LDB2: variants seen among roughly 807,000 people sequenced by gnomAD.
LDB2 encodes LIM domain binding 2, also known as LIM domain-binding protein 2.
LDB2 carries 12 observed loss-of-function variants against 44.3 expected under a neutral mutation model. The observed-to-expected ratio is 0.27, with a 90% CI of 0.17 to 0.44. The LOEUF (loss-of-function observed/expected upper bound fraction) is 0.44, where lower values mean the gene tolerates loss of function less well. Ranked by LOEUF, LDB2 falls within the 20% of genes least tolerant of loss-of-function variation. LDB2 has a pLI of 1.00. For synonymous variants in LDB2, 164 were observed against 174.8 expected, an observed-to-expected ratio of 0.94 and a Z score of 0.49; for missense variants, 344 against 473.5, an observed-to-expected ratio of 0.73 and a Z score of 2.54.
chr4:16,550,280 C>G (rs1377079278), intron 5 of LDB2, among the ~76,000 whole-genome samples: 1 of 152,182 alleles, frequency 6.6e-6, no homozygotes, highest in Admixed American at 6.5e-5. Flanking sequence ...CTGCAGTTTC[C>G]TTCCCTATAC....
intron 7 of LDB2, chr4:16,505,820 C>G (rs1719200341): frequency 6.5e-7 from 1 of 1,530,374 alleles, no homozygotes; most frequent in South Asian, 1.3e-5. Flanking sequence ...TCACTAATCC[C>G]CCGTGCAAAG....
chr4:16,628,144 A>G (rs1164239834), intron 2 of LDB2, among the ~76,000 whole-genome samples: 1 of 152,226 alleles, frequency 6.6e-6, no homozygotes, highest in Non-Finnish European at 1.5e-5. Flanking sequence ...TGGATGGCAC[A>G]TCATGCCTAG....
chr4:16,516,104 A>G (rs886580425), intron 5 of LDB2, among the ~76,000 whole-genome samples: 3 of 151,888 alleles, frequency 2.0e-5, no homozygotes, highest in East Asian at 3.9e-4. Context: ...TGACCTCATG[A>G]TCTGCCCACC....
intron 5 of LDB2, among the ~76,000 whole-genome samples, chr4:16,574,122 T>A (rs978591369): frequency 5.9e-5 from 9 of 152,188 alleles, no homozygotes; most frequent in African/African-American, 2.2e-4. Flanking sequence ...CAGGGACCAA[T>A]GTTCTTTAAA....
At chr4:16,824,713 C>T (rs1782734483) in intron 1 of LDB2, among the ~76,000 whole-genome samples, 1 of 152,256 alleles carries the variant, frequency 6.6e-6, no homozygotes, top group Non-Finnish European at 1.5e-5. Flanking sequence ...GTTTAGGCAT[C>T]TTTAATCCAT....
chr4:16,764,114 T>C (rs1768631596), intron 1 of LDB2, among the ~76,000 whole-genome samples: 1 of 152,174 alleles, frequency 6.6e-6, no homozygotes. Flanking sequence ...CAATACATGC[T>C]TTTTTGTAAA....
intron 5 of LDB2, among the ~76,000 whole-genome samples, chr4:16,535,896 G>C (rs1479374936): frequency 1.3e-5 from 2 of 152,164 alleles, no homozygotes; most frequent in South Asian, 4.1e-4. Context: ...AGTTGAACTT[G>C]TGTAAAAGGA....
intron 1 of LDB2, among the ~76,000 whole-genome samples, chr4:16,799,372 T>C (rs1281998519): frequency 2.0e-5 from 3 of 152,170 alleles, no homozygotes; most frequent in Admixed American, 6.5e-5. Flanking sequence ...CACTTAGAGA[T>C]GGAACTATTT....
intron 1 of LDB2, among the ~76,000 whole-genome samples, chr4:16,868,675 T>C (rs1248915393): frequency 1.3e-5 from 2 of 152,224 alleles, no homozygotes; most frequent in African/African-American, 4.8e-5. Context: ...ATTGCAACCA[T>C]GCAGAGTATA....
chr4:16,561,091 A>T lies in LDB2; in HGVS notation c.615+24831T>A, dbSNP rs184019105. Among the ~76,000 whole-genome samples the T allele has an allele frequency of 0.022, 3,410 of 152,288 alleles. 253 individuals are homozygous for T. In the East Asian group the frequency reaches 0.27, roughly 12 times the overall value. On this transcript the variant is annotated intron_variant, in intron 5 of 7. Transcript: ENST00000304523. ...CTCAAAATAATAAGAGCTATCTATG[A>T]CAAACCCACAGCCAATATCATACTG...
At chr4:16,848,626 C>T (rs1003379252) in intron 1 of LDB2, among the ~76,000 whole-genome samples, 31 of 152,150 alleles carry the variant, frequency 2.0e-4, no homozygotes, top group African/African-American at 7.0e-4. Context: ...GCGTCATACA[C>T]TAAAACAAAA....
At chr4:16,679,152 T>G (rs1054141885) in intron 2 of LDB2, among the ~76,000 whole-genome samples, 2 of 152,226 alleles carry the variant, frequency 1.3e-5, no homozygotes, top group South Asian at 2.1e-4. Context: ...GTTTTCATCC[T>G]TTTTATTCAT....
At chr4:16,563,327 A>G (rs190271269) in intron 5 of LDB2, among the ~76,000 whole-genome samples, 1 of 151,402 alleles carries the variant, frequency 6.6e-6, no homozygotes, top group East Asian at 1.9e-4. Context: ...TTTTGTATTA[A>G]AAACCTCCAT....
At chr4:16,561,191 C>G (rs200569489) in intron 5 of LDB2, among the ~76,000 whole-genome samples, 32,039 of 151,784 alleles carry the variant, frequency 0.21, 3,886 homozygotes, top group East Asian at 0.58. Context: ...CACTCCTATT[C>G]AACATAGTGT....
intron 1 of LDB2, among the ~76,000 whole-genome samples, chr4:16,898,044 A>G (rs1018708019): frequency 1.3e-5 from 2 of 150,820 alleles, no homozygotes; most frequent in African/African-American, 4.9e-5. Flanking sequence ...ATCTCAAGAA[A>G]CACCAACAGG....
At chr4:16,848,110 T>G (rs1561430165) in intron 1 of LDB2, among the ~76,000 whole-genome samples, 1 of 152,344 alleles carries the variant, frequency 6.6e-6, no homozygotes, top group East Asian at 1.9e-4. Context: ...ATCCAGCTAC[T>G]TGTCTCTGTT....
chr4:16,755,532 A>T (rs1271808191), intron 2 of LDB2, among the ~76,000 whole-genome samples: 1,190 of 30,722 alleles, frequency 0.039, 6 homozygotes, highest in Non-Finnish European at 0.08. Flanking sequence ...TGTATGTGAG[A>T]GAGAGAGAGA....
At chr4:16,783,379 G>A (rs1013820874) in intron 1 of LDB2, among the ~76,000 whole-genome samples, 13 of 152,274 alleles carry the variant, frequency 8.5e-5, no homozygotes, top group African/African-American at 3.1e-4. Context: ...AAGGATGCAT[G>A]TTCTCACCAA....
At chr4:16,745,909 G>C (rs529395623) in intron 2 of LDB2, among the ~76,000 whole-genome samples, 2 of 146,950 alleles carry the variant, frequency 1.4e-5, no homozygotes, top group East Asian at 4.2e-4. Context: ...AAAAAAAAAA[G>C]TTCTGAATAG....
Sources: allele counts gnomAD v4.1 joint callset (sites outside exome capture counted in the v4.1 genomes callset), GRCh38; gene constraint gnomAD v4.1.1; transcripts MANE v1.5; gene names NCBI Gene and HGNC (gene_info 2026-07-23, HGNC 2026-07-21).